The following CEP290 variants were observed in gnomAD, a reference collection of about 807,000 sequenced individuals.
The protein encoded by CEP290 is centrosomal protein of 290 kDa.
A neutral mutation model predicts 344.9 loss-of-function variants in CEP290; 317 were observed. The observed-to-expected ratio is 0.92, with a 90% CI of 0.84 to 1.01. CEP290 has a LOEUF of 1.01. CEP290 is among the 50% of genes least tolerant of loss of function. The pLI is 0.00. For synonymous variants in CEP290, 932 were observed against 895.8 expected (o/e 1.04, Z -0.72); for missense variants, 2,754 against 2,761.4 (o/e 1.00, Z 0.06).
chr12:88,120,380 T>C (rs962103176), intron 14 of CEP290, 104 bp from the exon 15 acceptor site: 5 of 523,074 alleles, frequency 9.6e-6, no homozygotes, highest in African/African-American at 6.0e-5. Flanking sequence ...AATGTACATA[T>C]GCCTATAATT....
chr12:88,073,777 A>G (rs1031680257), intron 41 of CEP290, among the ~76,000 whole-genome samples: 2 of 152,160 alleles, frequency 1.3e-5, no homozygotes, highest in Middle Eastern at 3.2e-3. Flanking sequence ...AAAAATTAAA[A>G]AAATATGAAA....
Position 88,086,168 on chromosome 12 carries a change from T to C in CEP290, c.4308A>G (p.Glu1436=). 1 of 1,608,718 alleles carries C rather than the reference T, an allele frequency of 6.2e-7. No homozygotes were observed. Among genetic ancestry groups the C allele is most frequent in the Non-Finnish European group, 8.5e-7 (1 of 1,178,896 alleles). Residue 1436 remains glutamate (E), a synonymous_variant, in exon 34 of 54, where the codon GAA becomes GAG. Coordinates refer to ENST00000552810, the MANE Select transcript of CEP290 (RefSeq NM_025114.4). ...GGTCAGGGATTGATCCTGTAGCTTC[T>C]TCAAACTATTAAGAAATAGTATGTT... The part of the protein sequence containing the change: ...NEILNAAQKF[E]EATGSIPDPS...
intron 37 of CEP290, among the ~76,000 whole-genome samples, chr12:88,080,939 A>G (rs2036155077): frequency 6.6e-6 from 1 of 152,234 alleles, no homozygotes; most frequent in South Asian, 2.1e-4. Context: ...TTTGGCAACA[A>G]TCTTATCAAG....
At chr12:88,109,834 A>AAG (rs1440434225) in intron 22 of CEP290, among the ~76,000 whole-genome samples, 1 of 152,206 alleles carries the variant, frequency 6.6e-6, no homozygotes, top group East Asian at 1.9e-4. Context: ...TTATACAAAG[A>AAG]TTAAAAATCA....
At chr12:88,059,128 G>A in intron 48 of CEP290, 108 bp from the exon 49 acceptor site, 3 of 843,926 alleles carry the variant, frequency 3.6e-6, no homozygotes, top group East Asian at 2.8e-5. Flanking sequence ...AATAACCTGG[G>A]GCTCTAAATG....
At position 88,053,987 on chromosome 12, in the gene CEP290, G is replaced by A. The variant is rs536688482; in HGVS notation, c.7035-241C>T. Among the ~76,000 whole-genome samples, 15 of 152,238 alleles carry A rather than the reference G, an allele frequency of 9.9e-5. No individual in the cohort carries two copies. The South Asian group carries it at 2.9e-3, about 29-fold the overall frequency. On this transcript the variant is annotated intron_variant, in intron 51 of 53. Coordinates refer to ENST00000552810, the MANE Select transcript of CEP290 (RefSeq NM_025114.4). ...ATTTGCAAGTGTGGTTTCGTTATAA[G>A]AGGAGCTTAATGAAAGCAGGCTACA...
intron 25 of CEP290, among the ~76,000 whole-genome samples, chr12:88,106,124 G>A (rs889194576): frequency 6.6e-6 from 1 of 152,082 alleles, no homozygotes; most frequent in Non-Finnish European, 1.5e-5. Context: ...TTGAAGTGAT[G>A]CAATATAAAG....
At chr12:88,141,394 G>C (rs1321319938) in intron 1 of CEP290, 60 bp from the exon 2 acceptor site, 1 of 786,300 alleles carries the variant, frequency 1.3e-6, no homozygotes, top group East Asian at 3.1e-5. Flanking sequence ...TGGTTTTCTA[G>C]CACCTTACAT....
intron 26 of CEP290, among the ~76,000 whole-genome samples, chr12:88,098,485 A>G (rs1261791135): frequency 1.3e-5 from 2 of 151,660 alleles, no homozygotes; most frequent in Non-Finnish European, 2.9e-5. Flanking sequence ...GGTGATGCAT[A>G]CCTGTAATCC....
At position 88,117,103 on chromosome 12, in the gene CEP290, T is replaced by C; in HGVS notation, c.1754A>G (p.Gln585Arg). The C allele has an allele frequency of 3.8e-6, 6 of 1,561,830 alleles. No individual in the cohort carries two copies. The highest frequency in any genetic ancestry group is 5.2e-6 in the Non-Finnish European group (6 of 1,150,010). ...EDLNLTENISQGDRISERKLD... is the reference protein window; with the variant it reads ...EDLNLTENISRGDRISERKLD... ...TTTTCTTTCACTTATTCTATCTCCT[T>C]GAGAAATGTTTTCAGTTAGGTTCAG... Residue 585 changes from glutamine (Q) to arginine (R), a missense_variant, in exon 18 of 54, where the codon CAA (glutamine) becomes CGA (arginine). Physicochemically the swap from Gln to Arg is conservative, Grantham distance 43. Transcript: ENST00000552810.
intron 6 of CEP290, among the ~76,000 whole-genome samples, chr12:88,134,008 G>GC (rs2040221595): frequency 6.6e-6 from 1 of 152,046 alleles, no homozygotes; most frequent in Non-Finnish European, 1.5e-5. Context: ...TCAGAGACGT[G>GC]CCTTACAATC....
At chr12:88,100,946 T>C (rs901653726) in intron 26 of CEP290, among the ~76,000 whole-genome samples, 1 of 152,102 alleles carries the variant, frequency 6.6e-6, no homozygotes, top group Non-Finnish European at 1.5e-5. Context: ...TTGCTCTAGA[T>C]GACATGAGGT....
chr12:88,050,891 C>T (rs991483694), intron 52 of CEP290, among the ~76,000 whole-genome samples: 3 of 152,124 alleles, frequency 2.0e-5, no homozygotes, highest in Admixed American at 6.5e-5. Flanking sequence ...CAAAACGTGT[C>T]ATGCAGGCTG....
rs563300889 is a variant in CEP290, at chr12:88,074,418, T to G, written c.5710-2492A>C. 7.2e-5 allele frequency among the ~76,000 whole-genome samples: 11 copies of G among 152,288 alleles called. No individual in the cohort carries two copies. The East Asian group carries it at 2.1e-3, about 29-fold the overall frequency. The stretch of plus-strand genomic sequence containing the variant: ...CAATTTTATCCCACCTGGCATTACT[T>G]GCTAAATTAAGATTAAGGGAACCAA... On this transcript the variant is annotated intron_variant, in intron 41 of 53. Transcript: ENST00000552810.
chr12:88,127,746 C>A (rs1303103317), intron 11 of CEP290, among the ~76,000 whole-genome samples: 1 of 152,154 alleles, frequency 6.6e-6, no homozygotes, highest in Non-Finnish European at 1.5e-5. Context: ...TATACTTGTA[C>A]ATTTGCAAAA....
chr12:88,112,710 G>A (rs1362469431), intron 20 of CEP290, among the ~76,000 whole-genome samples: 1 of 152,098 alleles, frequency 6.6e-6, no homozygotes, highest in African/African-American at 2.4e-5. Context: ...TCAGGAAGGT[G>A]ATCTGGGGTT....
chr12:88,056,309 G>C (rs1261057378), intron 49 of CEP290, among the ~76,000 whole-genome samples: 1 of 151,936 alleles, frequency 6.6e-6, no homozygotes, highest in Non-Finnish European at 1.5e-5. Context: ...GAACCAAACA[G>C]TTCTGCAGGT....
At chr12:88,088,690 T>G (rs1005297219) in intron 31 of CEP290, among the ~76,000 whole-genome samples, 4 of 152,154 alleles carry the variant, frequency 2.6e-5, no homozygotes, top group African/African-American at 9.7e-5. Context: ...GTAACTCTTT[T>G]GAAGATAATG....
chr12:88,121,613 CAAA>C (rs34457278), intron 13 of CEP290, among the ~76,000 whole-genome samples: 1,584 of 136,972 alleles, frequency 0.012, 27 homozygotes, highest in African/African-American at 0.04. Context: ...ATGTGAATTT[CAAA>C]AAAAAAAAAA....
Sources: gnomAD v4.1 joint callset for allele counts (sites outside exome capture counted in the v4.1 genomes callset) on GRCh38, gnomAD v4.1.1 for gene constraint, MANE v1.5 for transcripts, NCBI Gene and HGNC (gene_info 2026-07-23, HGNC 2026-07-21) for gene names.